Variants in XPO7 observed in about 807,000 individuals in gnomAD.
The protein encoded by XPO7 is exportin-7.
In XPO7, 21 loss-of-function variants were observed where a neutral mutation model predicts 144.3. The observed-to-expected ratio is 0.15, with a 90% CI of 0.10 to 0.21. XPO7 has a LOEUF of 0.21. XPO7 is among the 10% of genes least tolerant of loss of function. The probability of loss-of-function intolerance (pLI) is 1.00; values close to 1 mark genes in which losing one functional copy is unlikely to be tolerated. For missense variants in XPO7, 808 were observed against 1,325.8 expected (o/e 0.61, Z 6.06); for synonymous variants, 580 against 499.6 (o/e 1.16, Z -2.15).
At chr8:21,966,265 A>G (rs760916201) in intron 1 of XPO7, 26 of 779,978 alleles carry the variant, frequency 3.3e-5, no homozygotes, top group South Asian at 2.2e-4. Flanking sequence ...TTAAAGTGCA[A>G]CAGAAGAGAG....
chr8:21,982,879 C>T, intron 11 of XPO7, 67 bp downstream of exon 11: 3 of 1,513,300 alleles, frequency 2.0e-6, no homozygotes, highest in East Asian at 4.7e-5. Flanking sequence ...AGAGATCAGA[C>T]ACCCCATTGG....
chr8:22,004,959 C>G, intron 27 of XPO7, 36 bp from the exon 28 acceptor site: 3 of 1,059,562 alleles, frequency 2.8e-6, no homozygotes, highest in South Asian at 3.4e-5. Context: ...TTCCCCCCCA[C>G]TCTCCTCCCC....
chr8:21,936,381 C>A (rs1213783799), intron 1 of XPO7, among the ~76,000 whole-genome samples: 3 of 152,166 alleles, frequency 2.0e-5, no homozygotes, highest in African/African-American at 7.2e-5. Context: ...AGTCTGCAGT[C>A]TTGCCCAGTA....
At chr8:21,961,204 G>GTT (rs567708677) in intron 1 of XPO7, among the ~76,000 whole-genome samples, 22 of 136,756 alleles carry the variant, frequency 1.6e-4, no homozygotes, top group Admixed American at 2.9e-4. Flanking sequence ...GTCACAGGGT[G>GTT]TTTTTTTTTT....
chr8:21,989,580 A>G (rs2117377821), intron 16 of XPO7, among the ~76,000 whole-genome samples: 1 of 152,284 alleles, frequency 6.6e-6, no homozygotes, highest in South Asian at 2.1e-4. Flanking sequence ...TAAACCCTGT[A>G]AAATTATTGA....
At chr8:21,983,453 C>CT (rs1812470347) in intron 11 of XPO7, among the ~76,000 whole-genome samples, 3 of 152,314 alleles carry the variant, frequency 2.0e-5, no homozygotes, top group South Asian at 2.1e-4. Flanking sequence ...GTCTAAGGGT[C>CT]TGGGGCCTTT....
At chr8:21,986,135 C>CT (rs573860240) in intron 13 of XPO7, among the ~76,000 whole-genome samples, 3,737 of 132,232 alleles carry the variant, frequency 0.028, 69 homozygotes, top group South Asian at 0.051. Flanking sequence ...TTTATCAAAA[C>CT]TTTTTTTTTT....
At chr8:21,932,624 T>C (rs564355204) in intron 1 of XPO7, among the ~76,000 whole-genome samples, 1 of 151,448 alleles carries the variant, frequency 6.6e-6, no homozygotes, top group South Asian at 2.1e-4. Flanking sequence ...CAAAAAGCTT[T>C]CTTTTGAATT....
chr8:21,956,019 G>A (rs1475195445), intron 1 of XPO7, among the ~76,000 whole-genome samples: 1 of 151,990 alleles, frequency 6.6e-6, no homozygotes, highest in Non-Finnish European at 1.5e-5. Context: ...GAGCCACTGC[G>A]CCCAGCCCCC....
intron 1 of XPO7, among the ~76,000 whole-genome samples, chr8:21,927,033 C>A (rs1189418584): frequency 6.6e-6 from 1 of 152,120 alleles, no homozygotes; most frequent in Non-Finnish European, 1.5e-5. Context: ...TTTCTTCAGG[C>A]CTTCATAAAA....
chr8:21,981,587 A>G, intron 9 of XPO7, 144 bp from the exon 10 acceptor site: 1 of 948,262 alleles, frequency 1.1e-6, no homozygotes, highest in South Asian at 1.8e-5. Flanking sequence ...CATTATGCAG[A>G]CGTATCATTC....
chr8:21,953,541 C>T (rs950809223), intron 1 of XPO7, among the ~76,000 whole-genome samples: 3 of 152,142 alleles, frequency 2.0e-5, no homozygotes, highest in South Asian at 4.1e-4. Context: ...TACCAAGGAG[C>T]GCAATTGCTG....
Position 21,980,143 on chromosome 8 carries a change from G to A in XPO7, c.897G>A (p.Glu299=). 6.2e-7 allele frequency: 1 copy of A among 1,606,116 alleles called. No individual in the cohort carries two copies. The highest frequency in any genetic ancestry group is 8.5e-7 in the Non-Finnish European group (1 of 1,175,950). ...SVRRSLFNNA[E]RAKFLSHLVD... ...GAAGATCCCTGTTTAACAATGCAGA[G>A]AGGGCCAAGTTTCTCTCTCATCTTG... The change falls in exon 9 of 28, where the codon GAG becomes GAA. Residue 299 remains glutamate, a synonymous_variant. Coordinates refer to ENST00000252512, the MANE Select transcript of XPO7 (RefSeq NM_015024.5).
intron 21 of XPO7, among the ~76,000 whole-genome samples, chr8:21,996,737 G>A (rs752310592): frequency 3.3e-5 from 5 of 152,232 alleles, no homozygotes; most frequent in African/African-American, 9.6e-5. Context: ...TCAGGTATGG[G>A]CATTGGTCTC....
At chr8:21,984,870 C>G in intron 12 of XPO7, 31 bp downstream of exon 12, 1 of 1,608,304 alleles carries the variant, frequency 6.2e-7, no homozygotes, top group East Asian at 2.2e-5. Flanking sequence ...GAACTCTAGA[C>G]CTGTGAGGAG....
At chr8:21,958,515 C>T (rs1255130333) in intron 1 of XPO7, among the ~76,000 whole-genome samples, 2 of 151,934 alleles carry the variant, frequency 1.3e-5, no homozygotes, top group African/African-American at 4.8e-5. Context: ...CCGTCTTGCC[C>T]TTAGGAACTC....
chr8:21,993,176 G>A (rs10503715), intron 19 of XPO7, among the ~76,000 whole-genome samples: 54,657 of 152,026 alleles, frequency 0.36, 10,351 homozygotes, highest in East Asian at 0.44. Context: ...CCAATATCAA[G>A]GATTTAGGGA....
At chr8:21,922,601 A>G (rs910731319) in intron 1 of XPO7, among the ~76,000 whole-genome samples, 1 of 152,176 alleles carries the variant, frequency 6.6e-6, no homozygotes, top group Admixed American at 6.5e-5. Context: ...AGAGATGAAG[A>G]CAACGCTCAG....
At chr8:22,004,957 C>G (rs552411663) in intron 27 of XPO7, 38 bp from the exon 28 acceptor site, 43 of 1,158,778 alleles carry the variant, frequency 3.7e-5, no homozygotes, top group Admixed American at 3.2e-4. Flanking sequence ...CTTTCCCCCC[C>G]ACTCTCCTCC....
Sources: allele counts gnomAD v4.1 joint callset (sites outside exome capture counted in the v4.1 genomes callset), GRCh38; gene constraint gnomAD v4.1.1; transcripts MANE v1.5; gene names NCBI Gene and HGNC (gene_info 2026-07-23, HGNC 2026-07-21).